RGP1: variants seen among roughly 807,000 people sequenced by gnomAD.
The protein encoded by RGP1 is RAB6A-GEF complex partner protein 2.
A neutral mutation model predicts 44.5 loss-of-function variants in RGP1; 28 were observed. That is an observed-to-expected ratio of 0.63 (90% CI 0.47 to 0.86). The LOEUF is 0.86. RGP1 is among the 40% of genes least tolerant of loss of function. The pLI, the probability that RGP1 is intolerant of heterozygous loss-of-function variation, is 0.00. For synonymous variants in RGP1, 212 were observed against 196.7 expected (o/e 1.08, Z -0.65); for missense variants, 417 against 490.7 (o/e 0.85, Z 1.42).
chr9:35,751,404 G>T lies in RGP1; in HGVS notation c.626G>T (p.Arg209Leu). 1.2e-6 allele frequency: 2 copies of T among 1,613,928 alleles called. No individual in the cohort carries two copies. The highest frequency in any genetic ancestry group is 2.2e-5 in the South Asian group (2 of 91,088). The change falls in exon 6 of 9, where the codon CGC (arginine) becomes CTC (leucine). Residue 209 changes from arginine to leucine, a missense_variant. By Grantham distance (102) the Arg-to-Leu change is moderately radical. Transcript: ENST00000378078. ...CGCCTAATGGCTGCCACATCCTGCC[G>T]CAGCCTCCGTGAGAATTCTTTCAGA... ...GERLMAATSC[R>L]SLHLYNISDG... is the part of the protein sequence containing the mutation.
At chr9:35,761,851 A>G (rs1462094993), downstream of RGP1, among the ~76,000 whole-genome samples, 2 of 152,136 alleles carry the variant, frequency 1.3e-5, no homozygotes, top group Non-Finnish European at 2.9e-5. Context: ...TTGCACTTAG[A>G]TGCTTTAAAA....
In RGP1 at chr9:35,756,817, AAACGGGGACAG is replaced by A. The variant is rs1827364095; in HGVS notation, c.*3946_*3956del. On this transcript the variant is annotated 3_prime_UTR_variant, in exon 9 of 9. Transcript: ENST00000378078. ...CCAGTGGGGATTGGTGCGTGTGCGG[AAACGGGGACAG>A]AAGTGAAGGTTCATCGCCTATAACG... 2 of 152,588 alleles carry A rather than the reference AAACGGGGACAG, an allele frequency of 1.3e-5. No individual in the cohort carries two copies. The highest frequency in any genetic ancestry group is 4.1e-4 in the South Asian group (2 of 4,846). The allele number at this position is 152,588 out of a possible 1,614,324, so 9.5% of individuals were successfully genotyped here. A position where few individuals can be genotyped will look rare whatever the true frequency, so the allele number is the denominator to read the frequency against.
chr9:35,786,323 G>T, the RGP1 span, among the ~76,000 whole-genome samples: 1 of 152,148 alleles, frequency 6.6e-6, no homozygotes, highest in East Asian at 1.9e-4. Flanking sequence ...AAGTTGAGTG[G>T]GTAAGATTAT....
the RGP1 span, among the ~76,000 whole-genome samples, chr9:35,767,565 A>T: frequency 6.6e-6 from 1 of 152,228 alleles, no homozygotes; most frequent in Non-Finnish European, 1.5e-5. Flanking sequence ...GAGCTCTATG[A>T]TCTAGTCTTG....
chr9:35,762,301 AT>A (rs1827425264), downstream of RGP1, among the ~76,000 whole-genome samples: 1 of 152,186 alleles, frequency 6.6e-6, no homozygotes, highest in Non-Finnish European at 1.5e-5. Flanking sequence ...CAGAAGATAG[AT>A]TAAGAACTTT....
At position 35,757,982 on chromosome 9, in the gene RGP1, G is replaced by T. The variant is rs922537855; in HGVS notation, c.*5108G>T. The T allele has an allele frequency of 2.0e-5, 3 of 152,218 alleles. No individual in the cohort carries two copies. The highest frequency in any genetic ancestry group is 6.5e-5 in the Admixed American group (1 of 15,284). The allele number at this position is 152,218 out of a possible 1,614,324, so 9.4% of individuals were successfully genotyped here. A position where few individuals can be genotyped will look rare whatever the true frequency, so the allele number is the denominator to read the frequency against. Reference sequence around the variant, plus strand: ...TATTTGACTTAAAACCAAAAGTGAGGCTCTCAGATTGGTAATATGGTATTC... The same window carrying T: ...TATTTGACTTAAAACCAAAAGTGAGTCTCTCAGATTGGTAATATGGTATTC... On this transcript the variant is annotated 3_prime_UTR_variant, in exon 9 of 9. Transcript: ENST00000378078.
rs1222031691 is a variant in RGP1 at position 35,752,644 on chromosome 9, T to C, written c.953-7T>C. On this transcript the variant is annotated splice_polypyrimidine_tract_variant and splice_region_variant and intron_variant, in intron 8 of 8. Coordinates refer to ENST00000378078, the MANE Select transcript of RGP1 (RefSeq NM_001080496.3). The stretch of plus-strand genomic sequence containing the variant: ...GATGCTTCTACCTTAATCTTTTTCT[T>C]CCATAGTGTCCTTGAAGTGGAGATT... The C allele has an allele frequency of 6.2e-7, 1 of 1,601,380 alleles. No homozygotes were observed. The highest frequency in any genetic ancestry group is 1.7e-5 in the Admixed American group (1 of 58,172).
chr9:35,753,168 CT>C lies in RGP1; in HGVS notation c.*295del. The C allele has an allele frequency of 6.2e-7, 1 of 1,614,218 alleles. No individual in the cohort carries two copies. The highest frequency in any genetic ancestry group is 8.5e-7 in the Non-Finnish European group (1 of 1,180,038). ...GCTGAGCCCCATTCTGGGTCAGGCCCTCCCCCTTTGCAGGGCAGCCGAGGGT... is the reference window on the plus strand; with the variant it reads ...GCTGAGCCCCATTCTGGGTCAGGCCCCCCCCTTTGCAGGGCAGCCGAGGGT... On this transcript the variant is annotated 3_prime_UTR_variant, in exon 9 of 9. Transcript: ENST00000378078. The surrounding 1 kb of genome is among the most constrained non-coding windows in gnomAD (Gnocchi z 4.2).
At chr9:35,783,756 A>C in the RGP1 span, among the ~76,000 whole-genome samples, 1 of 152,240 alleles carries the variant, frequency 6.6e-6, no homozygotes, top group Non-Finnish European at 1.5e-5. Flanking sequence ...TAAACATGGA[A>C]GTGCAGACAT....
At chr9:35,751,474 GAC>G (rs1827263733) in intron 6 of RGP1, 62 bp downstream of exon 6, 3 of 1,607,842 alleles carry the variant, frequency 1.9e-6, no homozygotes, top group Non-Finnish European at 2.6e-6. Context: ...CCATCTCAGA[GAC>G]AGTCTCCTAA....
At position 35,750,988 on chromosome 9, in the gene RGP1, T is replaced by C. The variant is rs1827249739; in HGVS notation, c.486T>C (p.Thr162=). Reference sequence around the variant, plus strand: ...TCCCTCTGAGGGTTCTTGTGCTGACTGGTAAGCAAGGGCTCCTGGAGGGAA... The same window carrying C: ...TCCCTCTGAGGGTTCTTGTGCTGACCGGTAAGCAAGGGCTCCTGGAGGGAA... ...LRVPLRVLVL[T]GLQDVRFPQD... Residue 162 remains threonine, a splice_region_variant and synonymous_variant, in exon 5 of 9, where the codon ACT becomes ACC. Transcript: ENST00000378078. 6.2e-7 allele frequency: 1 copy of C among 1,613,492 alleles called. No homozygotes were observed. Among genetic ancestry groups the C allele is most frequent in the East Asian group, 2.2e-5 (1 of 44,898 alleles).
At position 35,755,110 on chromosome 9, in the gene RGP1, G is replaced by A. The variant is rs1378391336; in HGVS notation, c.*2236G>A. The A allele has an allele frequency of 6.6e-6, 1 of 152,212 alleles. No homozygotes were observed. The highest frequency in any genetic ancestry group is 1.5e-5 in the Non-Finnish European group (1 of 68,034). The allele number at this position is 152,212 out of a possible 1,614,324, so 9.4% of individuals were successfully genotyped here. A position where few individuals can be genotyped will look rare whatever the true frequency, so the allele number is the denominator to read the frequency against. On this transcript the variant is annotated 3_prime_UTR_variant, in exon 9 of 9. Coordinates refer to ENST00000378078, the MANE Select transcript of RGP1 (RefSeq NM_001080496.3). The stretch of plus-strand genomic sequence containing the variant: ...TGGATTATTGAGAGCATGGGCTGTA[G>A]AGACAGTCTTCTTGGATTCAGATCC...
the RGP1 span, among the ~76,000 whole-genome samples, chr9:35,781,822 A>C: frequency 9.9e-5 from 15 of 152,020 alleles, no homozygotes; most frequent in African/African-American, 3.4e-4. Flanking sequence ...GAGTGGCTTC[A>C]GATCTCTTAA....
Position 35,750,083 on chromosome 9 carries a change from T to G in RGP1, c.117-160T>G, listed in dbSNP as rs754849692. Among the ~76,000 whole-genome samples the G allele has an allele frequency of 3.7e-4, 57 of 152,262 alleles. 1 individual carries two copies. Among genetic ancestry groups the G allele is most frequent in the Admixed American group, 7.8e-4 (12 of 15,290 alleles). On this transcript the variant is annotated intron_variant, in intron 2 of 8. Transcript: ENST00000378078. Reference sequence around the variant, plus strand: ...CCCGTTCCCCTTTTTACGCACAGTCTGCTACTCTTTATTTAATGGTTTCTC... The same window carrying G: ...CCCGTTCCCCTTTTTACGCACAGTCGGCTACTCTTTATTTAATGGTTTCTC...
At chr9:35,769,610 A>G in the RGP1 span, among the ~76,000 whole-genome samples, 1 of 152,234 alleles carries the variant, frequency 6.6e-6, no homozygotes, top group South Asian at 2.1e-4. Flanking sequence ...CTGTGATCTA[A>G]TAATGATTTT....
In RGP1 at chr9:35,752,792, T is replaced by C; in HGVS notation, c.1094T>C (p.Leu365Pro). 1 of 1,613,848 alleles carries C rather than the reference T, an allele frequency of 6.2e-7. No individual in the cohort carries two copies. The highest frequency in any genetic ancestry group is 8.5e-7 in the Non-Finnish European group (1 of 1,179,820). The change falls in exon 9 of 9, where the codon CTG becomes CCG. Residue 365 changes from leucine to proline, a missense_variant. Leu to Pro is a moderately conservative substitution (Grantham distance 98). Coordinates refer to ENST00000378078, the MANE Select transcript of RGP1 (RefSeq NM_001080496.3). ...CCTGTAGACACCTTCAGCTGGGACCTGCCCATCAAGGTGCTGCCTACTAGC... is the reference window on the plus strand; with the variant it reads ...CCTGTAGACACCTTCAGCTGGGACCCGCCCATCAAGGTGCTGCCTACTAGC... ...QVPVDTFSWD[L>P]PIKVLPTSPT...
chr9:35,753,938 G>A lies in RGP1; in HGVS notation c.*1064G>A, dbSNP rs534868329. Reference sequence around the variant, plus strand: ...ATTTTGACACGGGATCATCTGTAAGGCCCCATCCTCCCTGTGCCCTCTCTG... The same window carrying A: ...ATTTTGACACGGGATCATCTGTAAGACCCCATCCTCCCTGTGCCCTCTCTG... On this transcript the variant is annotated 3_prime_UTR_variant, in exon 9 of 9. Transcript: ENST00000378078. This position sits in a 1 kb window ranked among gnomAD's most constrained non-coding sequence, Gnocchi z 4.2. 1.4e-4 allele frequency: 221 copies of A among 1,576,044 alleles called. No individual in the cohort carries two copies. The African/African-American group carries it at 2.8e-3, about 20-fold the overall frequency.
chr9:35,775,048 T>C, the RGP1 span, among the ~76,000 whole-genome samples: 1 of 152,242 alleles, frequency 6.6e-6, no homozygotes, highest in Non-Finnish European at 1.5e-5. Flanking sequence ...AAATCAGTTC[T>C]GTCTCTTCAC....
chr9:35,763,400 A>G (rs1172118115), downstream of RGP1, among the ~76,000 whole-genome samples: 1 of 152,162 alleles, frequency 6.6e-6, no homozygotes, highest in Non-Finnish European at 1.5e-5. Context: ...CTATTCCTAG[A>G]CTTCACCTTT....
Sources: gnomAD v4.1 joint callset for allele counts (sites outside exome capture counted in the v4.1 genomes callset) on GRCh38, gnomAD v4.1.1 for gene constraint, Gnocchi (gnomAD v3.1) non-coding constraint, MANE v1.5 for transcripts, NCBI Gene and HGNC (gene_info 2026-07-23, HGNC 2026-07-21) for gene names.